ANO2: variants seen among roughly 807,000 people sequenced by gnomAD.
ANO2 encodes the protein anoctamin-2.
A neutral mutation model predicts 124.2 loss-of-function variants in ANO2; 101 were observed. That is an observed-to-expected ratio of 0.81 (90% confidence interval 0.69 to 0.96). ANO2 has a LOEUF of 0.96. Among genes scored for constraint, ANO2 ranks in the 40% least tolerant of loss-of-function variants. ANO2 has a pLI of 0.00. For synonymous variants in ANO2, 486 were observed against 482.5 expected, an observed-to-expected ratio of 1.01 and a Z score of -0.09; for missense variants, 1,293 against 1,274.5, an observed-to-expected ratio of 1.01 and a Z score of -0.22.
At chr12:5,777,262 A>G (rs2079330921) in intron 10 of ANO2, among the ~76,000 whole-genome samples, 1 of 152,224 alleles carries the variant, frequency 6.6e-6, no homozygotes, top group African/African-American at 2.4e-5. Flanking sequence ...AATGATATTT[A>G]GCTCAGATAG....
At chr12:5,791,040 A>C (rs1952680300) in intron 10 of ANO2, among the ~76,000 whole-genome samples, 1 of 151,802 alleles carries the variant, frequency 6.6e-6, no homozygotes, top group African/African-American at 2.4e-5. Flanking sequence ...ACATCATTTC[A>C]CTCTCACTGG....
intron 3 of ANO2, among the ~76,000 whole-genome samples, chr12:5,859,076 T>C (rs963438400): frequency 2.0e-5 from 3 of 152,332 alleles, no homozygotes; most frequent in Admixed American, 2.0e-4. Flanking sequence ...ATGAAGAGAT[T>C]AGCCGTCAGA....
Position 5,753,396 on chromosome 12 carries a change from G to A in ANO2, c.1056-2426C>T, listed in dbSNP as rs576633292. 5.3e-4 allele frequency among the ~76,000 whole-genome samples: 81 copies of A among 152,272 alleles called. 5 individuals carry two copies. The South Asian group carries it at 0.016, about 31-fold the overall frequency. On this transcript the variant is annotated intron_variant, in intron 10 of 24. Transcript: ENST00000682330. ...AGGTGAACATAGAGCAGCTGCCTGT[G>A]GAGATATTTAGCCTTTTATCTGTAG...
intron 14 of ANO2, among the ~76,000 whole-genome samples, chr12:5,653,158 G>A (rs747425269): frequency 2.6e-5 from 4 of 152,200 alleles, no homozygotes; most frequent in Non-Finnish European, 5.9e-5. Context: ...AAAGAAGCAG[G>A]CTGTGGTCCT....
At chr12:5,565,909 A>G (rs894459047) in intron 23 of ANO2, among the ~76,000 whole-genome samples, 2 of 152,222 alleles carry the variant, frequency 1.3e-5, no homozygotes, top group Admixed American at 6.5e-5. Context: ...TACCCTCTCC[A>G]ATAGCTCCCA....
intron 10 of ANO2, among the ~76,000 whole-genome samples, chr12:5,790,630 G>A (rs976000270): frequency 1.3e-5 from 2 of 152,092 alleles, no homozygotes; most frequent in African/African-American, 4.8e-5. Context: ...GCCCTTCGAA[G>A]CCTCTCCCTA....
chr12:5,725,834 G>A (rs765599548), intron 14 of ANO2, among the ~76,000 whole-genome samples: 4 of 151,906 alleles, frequency 2.6e-5, no homozygotes, highest in South Asian at 2.1e-4. Context: ...TTAGCTCTTC[G>A]TATTGTCTCT....
chr12:5,646,083 GTT>G (rs1946624512), intron 15 of ANO2, among the ~76,000 whole-genome samples: 1 of 152,214 alleles, frequency 6.6e-6, no homozygotes, highest in East Asian at 1.9e-4. Flanking sequence ...GCCCTTTGGA[GTT>G]CTGATTTAAT....
At chr12:5,620,473 T>TTGGAATTCTACAGGGGTTGAAC (rs1565484312) in intron 16 of ANO2, among the ~76,000 whole-genome samples, 6 of 152,148 alleles carry the variant, frequency 3.9e-5, no homozygotes, top group Non-Finnish European at 7.4e-5. Flanking sequence ...AGGGGTTGAA[T>TTGGAATTCTACAGGGGTTGAAC]TGGAATTCTA....
chr12:5,576,721 T>C (rs1942434568), intron 22 of ANO2, among the ~76,000 whole-genome samples: 1 of 152,240 alleles, frequency 6.6e-6, no homozygotes, highest in East Asian at 1.9e-4. Context: ...GGGTACTTTC[T>C]GCAAAGAAAG....
chr12:5,784,388 A>T (rs1253946235), intron 10 of ANO2, among the ~76,000 whole-genome samples: 1 of 152,136 alleles, frequency 6.6e-6, no homozygotes, highest in East Asian at 1.9e-4. Context: ...GAGGGCCAGG[A>T]TTTTTTGTTA....
intron 4 of ANO2, among the ~76,000 whole-genome samples, chr12:5,838,535 C>T (rs113619636): frequency 6.6e-6 from 1 of 152,108 alleles, no homozygotes; most frequent in Non-Finnish European, 1.5e-5. Flanking sequence ...GGTCTTGAGG[C>T]GAGGGACCTG....
At chr12:5,827,746 T>C in intron 7 of ANO2, 23 bp downstream of exon 7, 1 of 1,604,544 alleles carries the variant, frequency 6.2e-7, no homozygotes, top group Admixed American at 1.7e-5. Context: ...GTCAGCACCC[T>C]GCCCGCGGGC....
intron 7 of ANO2, among the ~76,000 whole-genome samples, chr12:5,811,645 T>C (rs1214716996): frequency 6.6e-6 from 1 of 152,234 alleles, no homozygotes; most frequent in African/African-American, 2.4e-5. Flanking sequence ...CCTCCTCTGA[T>C]ATGGTCAATG....
intron 3 of ANO2, among the ~76,000 whole-genome samples, chr12:5,910,403 T>C (rs1489676965): frequency 6.6e-6 from 1 of 152,164 alleles, no homozygotes; most frequent in Non-Finnish European, 1.5e-5. Context: ...GGTCTTGAAC[T>C]CCTGACCTCA....
At chr12:5,615,668 A>G (rs1403150231) in intron 16 of ANO2, among the ~76,000 whole-genome samples, 1 of 152,052 alleles carries the variant, frequency 6.6e-6, no homozygotes, top group Non-Finnish European at 1.5e-5. Context: ...TTCCACTTCC[A>G]TGAGATTTTA....
chr12:5,682,062 G>C (rs1004135215), intron 14 of ANO2, among the ~76,000 whole-genome samples: 4 of 152,120 alleles, frequency 2.6e-5, no homozygotes, highest in Admixed American at 1.3e-4. Context: ...AGCCAAGGAA[G>C]AAGGAAAAAA....
intron 9 of ANO2, among the ~76,000 whole-genome samples, chr12:5,802,545 A>G (rs535342793): frequency 6.6e-6 from 1 of 152,312 alleles, no homozygotes; most frequent in African/African-American, 2.4e-5. Flanking sequence ...CATAGTTAAG[A>G]GCAAGTGGAT....
intron 10 of ANO2, among the ~76,000 whole-genome samples, chr12:5,789,502 T>A (rs1470797514): frequency 1.3e-5 from 2 of 152,110 alleles, no homozygotes. Context: ...GTTTCCCGAG[T>A]CCCTGCCGCA....
Sources: gnomAD v4.1 joint callset for allele counts (sites outside exome capture counted in the v4.1 genomes callset) on GRCh38, gnomAD v4.1.1 for gene constraint, MANE v1.5 for transcripts, NCBI Gene and HGNC (gene_info 2026-07-23, HGNC 2026-07-21) for gene names.